Variants in DPP6 observed in about 807,000 individuals in gnomAD.
DPP6 encodes the protein A-type potassium channel modulatory protein DPP6.
A neutral mutation model predicts 122.6 loss-of-function variants in DPP6; 69 were observed. The ratio of observed to expected loss-of-function variants is 0.56; its 90% CI spans 0.46 to 0.69. DPP6 has a LOEUF of 0.69. Ranked by LOEUF, DPP6 falls within the 30% of genes least tolerant of loss-of-function variation. The pLI is 0.00. For missense variants in DPP6, 928 were observed against 1,116.9 expected, an observed-to-expected ratio of 0.83 and a Z score of 2.41; for synonymous variants, 418 against 433.1, an observed-to-expected ratio of 0.97 and a Z score of 0.43.
intron 1 of DPP6, among the ~76,000 whole-genome samples, chr7:154,200,982 C>T: frequency 6.6e-6 from 1 of 152,100 alleles, no homozygotes; most frequent in Non-Finnish European, 1.5e-5. Context: ...ATCAAAATGA[C>T]ATCCCTTTGA....
At chr7:154,168,904 A>C (rs1386090807) in intron 1 of DPP6, among the ~76,000 whole-genome samples, 5 of 152,234 alleles carry the variant, frequency 3.3e-5, no homozygotes, top group Non-Finnish European at 7.3e-5. Context: ...AAGAGAATTA[A>C]TGTTTAGAAA....
chr7:154,814,630 A>G (rs1799298783), intron 16 of DPP6, among the ~76,000 whole-genome samples: 1 of 152,132 alleles, frequency 6.6e-6, no homozygotes, highest in South Asian at 2.1e-4. Context: ...AATTACCGCA[A>G]TCTGGATGGT....
chr7:154,311,071 A>G (rs557200717), intron 1 of DPP6, among the ~76,000 whole-genome samples: 1 of 152,334 alleles, frequency 6.6e-6, no homozygotes, highest in East Asian at 1.9e-4. Flanking sequence ...CCTTGCTTGT[A>G]AAAGATCGGA....
intron 1 of DPP6, among the ~76,000 whole-genome samples, chr7:154,211,902 A>G (rs1219611745): frequency 6.6e-6 from 1 of 152,146 alleles, no homozygotes; most frequent in African/African-American, 2.4e-5. Flanking sequence ...AAACCTCCCC[A>G]TTATGAATTG....
intron 1 of DPP6, among the ~76,000 whole-genome samples, chr7:154,425,091 C>T (rs1422183746): frequency 1.3e-5 from 2 of 152,160 alleles, no homozygotes; most frequent in African/African-American, 4.8e-5. Context: ...ATAACTTATT[C>T]TTTCCAAAAG....
intron 8 of DPP6, among the ~76,000 whole-genome samples, chr7:154,769,135 A>C (rs1251110582): frequency 6.6e-6 from 1 of 152,224 alleles, no homozygotes; most frequent in Non-Finnish European, 1.5e-5. Flanking sequence ...AAATGTGTGC[A>C]AAGAAAAAAA....
At chr7:154,054,759 A>G (rs1375553473) in intron 1 of DPP6, among the ~76,000 whole-genome samples, 1 of 149,606 alleles carries the variant, frequency 6.7e-6, no homozygotes, top group Admixed American at 6.7e-5. Flanking sequence ...AAACAGGAAA[A>G]ATGTACTTTT....
In DPP6 at chr7:154,402,911, G is replaced by A. The variant is rs1015124146; in HGVS notation, c.244-43303G>A. ...TAAATAAAGTAGAAAAGATTTGCAT[G>A]TGACAAAACTGGAAGCAGAGAAACT... On this transcript the variant is annotated intron_variant, in intron 1 of 25. Coordinates refer to ENST00000377770, the MANE Select transcript of DPP6 (RefSeq NM_130797.4). 9.2e-5 allele frequency among the ~76,000 whole-genome samples: 14 copies of A among 152,304 alleles called. 1 individual carries two copies. The highest frequency in any genetic ancestry group is 4.1e-4 in the South Asian group (2 of 4,832).
At chr7:154,440,078 G>A (rs1819236933) in intron 1 of DPP6, among the ~76,000 whole-genome samples, 1 of 152,140 alleles carries the variant, frequency 6.6e-6, no homozygotes, top group Non-Finnish European at 1.5e-5. Context: ...CTAAGATGAT[G>A]ATGATGATGT....
chr7:154,739,743 C>G (rs1424753946), intron 8 of DPP6, among the ~76,000 whole-genome samples: 2 of 152,220 alleles, frequency 1.3e-5, no homozygotes, highest in Non-Finnish European at 2.9e-5. Context: ...TTGCAATAAG[C>G]TCCCTTCCTT....
intron 16 of DPP6, among the ~76,000 whole-genome samples, chr7:154,842,799 C>T (rs936450321): frequency 8.5e-5 from 13 of 152,308 alleles, no homozygotes; most frequent in Admixed American, 2.0e-4. Context: ...GTTATCTCTT[C>T]GTAAGCAAAG....
Position 154,221,907 on chromosome 7 carries a change from A to T in DPP6, c.243+168844A>T, listed in dbSNP as rs1317862345. Among the ~76,000 whole-genome samples, 3 of 152,212 alleles carry T rather than the reference A, an allele frequency of 2.0e-5. No individual in the cohort carries two copies. The East Asian group carries it at 5.8e-4, about 29-fold the overall frequency. On this transcript the variant is annotated intron_variant, in intron 1 of 25. Coordinates refer to ENST00000377770, the MANE Select transcript of DPP6 (RefSeq NM_130797.4). ...TTTGCATTATAAAAAAGGCATATTA[A>T]TTCATGGTAAATTGAAAATTTAATT... is the stretch of plus-strand genomic sequence containing the variant.
At chr7:154,102,333 G>A (rs561644988) in intron 1 of DPP6, among the ~76,000 whole-genome samples, 116 of 152,168 alleles carry the variant, frequency 7.6e-4, no homozygotes, top group African/African-American at 2.6e-3. Flanking sequence ...GGGATTACAG[G>A]CACACACCAA....
intron 16 of DPP6, among the ~76,000 whole-genome samples, chr7:154,823,059 A>T (rs1456369676): frequency 6.6e-6 from 1 of 152,194 alleles, no homozygotes; most frequent in Non-Finnish European, 1.5e-5. Flanking sequence ...TTACTCTAGA[A>T]CTTCCTGGAA....
intron 21 of DPP6, among the ~76,000 whole-genome samples, chr7:154,883,224 C>G (rs1297653610): frequency 6.8e-6 from 1 of 146,470 alleles, no homozygotes; most frequent in Non-Finnish European, 1.5e-5. Flanking sequence ...TGCTCACCCA[C>G]ACAATGCTCA....
intron 1 of DPP6, among the ~76,000 whole-genome samples, chr7:154,107,715 A>AT (rs953383211): frequency 1.3e-5 from 2 of 152,046 alleles, no homozygotes; most frequent in Admixed American, 6.6e-5. Flanking sequence ...AGTTTTAAAC[A>AT]TTTTTTTTAA....
At chr7:154,696,164 G>A (rs928262763) in intron 7 of DPP6, among the ~76,000 whole-genome samples, 5 of 152,236 alleles carry the variant, frequency 3.3e-5, no homozygotes, top group African/African-American at 1.2e-4. Context: ...TCACCTGACA[G>A]TGTGTCTGAA....
the DPP6 span, among the ~76,000 whole-genome samples, chr7:153,834,494 T>C: frequency 2.0e-5 from 3 of 152,126 alleles, no homozygotes; most frequent in African/African-American, 7.2e-5. Flanking sequence ...ACCTCCACTT[T>C]ACTTGCTTCT....
chr7:154,074,281 G>A (rs557022941), intron 1 of DPP6, among the ~76,000 whole-genome samples: 23 of 152,130 alleles, frequency 1.5e-4, no homozygotes, highest in Admixed American at 5.2e-4. Context: ...TCTGTACTGT[G>A]TGAGTTGTGA....
Sources: allele counts gnomAD v4.1 joint callset (sites outside exome capture counted in the v4.1 genomes callset), GRCh38; gene constraint gnomAD v4.1.1; transcripts MANE v1.5; gene names NCBI Gene and HGNC (gene_info 2026-07-23, HGNC 2026-07-21).